The following SOS2 variants were observed in gnomAD, a reference collection of about 807,000 sequenced individuals.
SOS2 encodes SOS Ras/Rho guanine nucleotide exchange factor 2.
In SOS2, 65 loss-of-function variants were observed where a neutral mutation model predicts 148.2. The observed-to-expected ratio is 0.44, with a 90% CI of 0.36 to 0.54. SOS2 has a LOEUF of 0.54. Among genes scored for constraint, SOS2 ranks in the 20% least tolerant of loss-of-function variants. The pLI, the probability that SOS2 is intolerant of heterozygous loss-of-function variation, is 0.00. For synonymous variants in SOS2, 539 were observed against 537.1 expected, an observed-to-expected ratio of 1.00 and a Z score of -0.05; for missense variants, 1,341 against 1,590.2, an observed-to-expected ratio of 0.84 and a Z score of 2.67.
intron 4 of SOS2, among the ~76,000 whole-genome samples, chr14:50,192,859 G>A (rs959351486): frequency 1.3e-5 from 2 of 149,214 alleles, no homozygotes; most frequent in African/African-American, 2.5e-5. Flanking sequence ...GTGAGAGTCT[G>A]TCTCAGAAGG....
At chr14:50,216,664 G>C (rs1887048558) in intron 1 of SOS2, among the ~76,000 whole-genome samples, 1 of 152,044 alleles carries the variant, frequency 6.6e-6, no homozygotes, top group Non-Finnish European at 1.5e-5. Context: ...GAACCCGGGA[G>C]GCAGAGGTTG....
chr14:50,203,853 G>T (rs1453425245), intron 2 of SOS2, among the ~76,000 whole-genome samples: 3 of 149,506 alleles, frequency 2.0e-5, no homozygotes, highest in African/African-American at 7.4e-5. Flanking sequence ...TGGGATTACA[G>T]GTGTGAGCCA....
At chr14:50,196,604 T>C (rs1229307725) in intron 4 of SOS2, among the ~76,000 whole-genome samples, 3 of 152,146 alleles carry the variant, frequency 2.0e-5, no homozygotes, top group African/African-American at 7.2e-5. Context: ...ATCATTCTAC[T>C]AGCTAAGAGT....
chr14:50,181,473 A>C (rs1163558427), intron 6 of SOS2, among the ~76,000 whole-genome samples: 3 of 152,072 alleles, frequency 2.0e-5, no homozygotes, highest in Non-Finnish European at 4.4e-5. Context: ...TAGAATATCA[A>C]GGCATAGTGC....
intron 12 of SOS2, chr14:50,156,326 C>G (rs1175280663): frequency 6.6e-6 from 1 of 152,074 alleles, no homozygotes; most frequent in Non-Finnish European, 1.5e-5. Context: ...CTGCCACTCC[C>G]TTTACATAAC....
intron 22 of SOS2, among the ~76,000 whole-genome samples, chr14:50,119,502 T>C (rs908013901): frequency 3.9e-5 from 6 of 152,150 alleles, no homozygotes; most frequent in Admixed American, 2.6e-4. Context: ...AGAAAGAAAA[T>C]GTACTTCCAG....
chr14:50,130,678 CT>C lies in SOS2; in HGVS notation c.3159del (p.Gly1054ValfsTer6). On this transcript the variant is annotated frameshift_variant, in exon 20 of 23. Transcript: ENST00000216373. LOFTEE classifies it high-confidence loss of function. ...TCTCTTTCTAATGGTGTTGGGTGAC[CT>C]CGTAAAGTACCTGAGGTAGAGCCAT... ...GRHGSTSGTL[R>X]GHPTPLEREP... The C allele has an allele frequency of 6.2e-7, 1 of 1,614,074 alleles. No individual in the cohort carries two copies. The highest frequency in any genetic ancestry group is 1.1e-5 in the South Asian group (1 of 91,078).
chr14:50,167,706 C>G (rs1209672907), intron 8 of SOS2, among the ~76,000 whole-genome samples: 1 of 151,886 alleles, frequency 6.6e-6, no homozygotes, highest in African/African-American at 2.4e-5. Flanking sequence ...CAGTCTCTAT[C>G]AAACAATACA....
rs1385742264 is a variant in SOS2, at chr14:50,224,330, C to T, written c.87+6867G>A. 5.4e-4 allele frequency among the ~76,000 whole-genome samples: 76 copies of T among 141,160 alleles called. 2 individuals are homozygous for T. The East Asian group carries it at 9.3e-3, about 17-fold the overall frequency. 92.6% of individuals were successfully genotyped at this position (141,160 alleles called of 152,430 possible). On this transcript the variant is annotated intron_variant, in intron 1 of 22. Coordinates refer to ENST00000216373, the MANE Select transcript of SOS2 (RefSeq NM_006939.4). ...ATATATATATACACACACACACACA[C>T]ACACACACACACACACACACACACA...
At position 50,194,749 on chromosome 14, in the gene SOS2, T is replaced by C. The variant is rs77095810; in HGVS notation, c.510+4942A>G. Among the ~76,000 whole-genome samples the C allele has an allele frequency of 4.7e-3, 697 of 148,818 alleles. 5 individuals carry two copies. Among genetic ancestry groups the C allele is most frequent in the African/African-American group, 0.016 (638 of 40,930 alleles). On this transcript the variant is annotated intron_variant, in intron 4 of 22. Transcript: ENST00000216373. Reference sequence around the variant, plus strand: ...GCCAAGATCACGCCACTGCGCTCCATACTGGGTGACAGAGCAAGACTCTGT... The same window carrying C: ...GCCAAGATCACGCCACTGCGCTCCACACTGGGTGACAGAGCAAGACTCTGT...
At chr14:50,158,708 G>T (rs1884896481) in intron 10 of SOS2, 62 bp from the exon 11 acceptor site, 3 of 1,088,686 alleles carry the variant, frequency 2.8e-6, no homozygotes, top group Non-Finnish European at 4.1e-6. Flanking sequence ...TTAACTCAAA[G>T]TACCATATTT....
At chr14:50,160,512 G>T (rs1305583073) in intron 9 of SOS2, among the ~76,000 whole-genome samples, 2 of 149,346 alleles carry the variant, frequency 1.3e-5, no homozygotes, top group East Asian at 2.0e-4. Context: ...TCAGCCTCCC[G>T]AGTAGCTGGG....
chr14:50,174,020 G>A (rs1885448540), intron 8 of SOS2, among the ~76,000 whole-genome samples: 1 of 151,896 alleles, frequency 6.6e-6, no homozygotes, highest in African/African-American at 2.4e-5. Flanking sequence ...CTTGCTACTA[G>A]GTCTGCATTT....
At position 50,123,572 on chromosome 14, in the gene SOS2, G is replaced by A. The variant is rs189460241; in HGVS notation, c.3380-3188C>T. Among the ~76,000 whole-genome samples the A allele has an allele frequency of 4.3e-4, 66 of 151,964 alleles. 1 individual carries two copies. The highest frequency in any genetic ancestry group is 1.5e-3 in the African/African-American group (64 of 41,446). On this transcript the variant is annotated intron_variant, in intron 21 of 22. Coordinates refer to ENST00000216373, the MANE Select transcript of SOS2 (RefSeq NM_006939.4). ...TAATTTTTGTATTTTTAGTAGAGAC[G>A]GGGTTTCACCATGTTGGCCAGGCTG...
rs77444959 is a variant in SOS2, at chr14:50,173,226, G to A, written c.1068+1228C>T. On this transcript the variant is annotated intron_variant, in intron 8 of 22. Transcript: ENST00000216373. Reference sequence around the variant, plus strand: ...TTTAGGATACCACATCGTTGGTTTAGATAGACAGTTACGACTTTTTCCGTC... The same window carrying A: ...TTTAGGATACCACATCGTTGGTTTAAATAGACAGTTACGACTTTTTCCGTC... 3.1e-3 allele frequency among the ~76,000 whole-genome samples: 467 copies of A among 152,136 alleles called. 5 individuals carry two copies. Among genetic ancestry groups the A allele is most frequent in the African/African-American group, 0.011 (441 of 41,492 alleles).
chr14:50,221,788 T>C (rs1016287411), intron 1 of SOS2, among the ~76,000 whole-genome samples: 6 of 152,102 alleles, frequency 3.9e-5, no homozygotes, highest in Non-Finnish European at 7.4e-5. Context: ...CAGTGAGCCA[T>C]GATCATGCCA....
At chr14:50,189,942 A>C (rs1455788121) in intron 4 of SOS2, among the ~76,000 whole-genome samples, 1 of 150,950 alleles carries the variant, frequency 6.6e-6, no homozygotes, top group African/African-American at 2.4e-5. Flanking sequence ...TCCGCCTCCC[A>C]AGTTCAAGTG....
At chr14:50,175,574 C>T (rs1427255255) in intron 7 of SOS2, among the ~76,000 whole-genome samples, 7 of 151,670 alleles carry the variant, frequency 4.6e-5, no homozygotes, top group Non-Finnish European at 8.8e-5. Flanking sequence ...ACAAGATCTC[C>T]GAAGACTAGA....
At chr14:50,170,583 G>A (rs945228937) in intron 8 of SOS2, among the ~76,000 whole-genome samples, 1 of 151,974 alleles carries the variant, frequency 6.6e-6, no homozygotes, top group Non-Finnish European at 1.5e-5. Context: ...CTACGTGGGA[G>A]GGTCGCCTGA....
Sources: allele counts gnomAD v4.1 joint callset (sites outside exome capture counted in the v4.1 genomes callset), GRCh38; gene constraint gnomAD v4.1.1; transcripts MANE v1.5; gene names NCBI Gene and HGNC (gene_info 2026-07-23, HGNC 2026-07-21).